METTL16: variants seen among roughly 807,000 people sequenced by gnomAD.
The protein encoded by METTL16 is methyltransferase 16, RNA N6-adenosine.
Under a neutral mutation model 57.9 loss-of-function variants are expected in METTL16, and 19 were observed. The observed-to-expected ratio is 0.33, with a 90% CI of 0.23 to 0.48. The LOEUF (loss-of-function observed/expected upper bound fraction) is 0.48. Ranked by LOEUF, METTL16 falls within the 20% of genes least tolerant of loss-of-function variation. The pLI is 0.99. For missense variants in METTL16, 434 were observed against 691.5 expected, an observed-to-expected ratio of 0.63 and a Z score of 4.18; for synonymous variants, 246 against 255.6, an observed-to-expected ratio of 0.96 and a Z score of 0.36.
At chr17:2,440,254 CTT>C (rs918963469) in intron 7 of METTL16, among the ~76,000 whole-genome samples, 2 of 146,192 alleles carry the variant, frequency 1.4e-5, no homozygotes. Context: ...AAGACACCAT[CTT>C]TTTTTTTTTT....
At position 2,437,795 on chromosome 17, in the gene METTL16, C is replaced by G. The variant is rs191775213; in HGVS notation, c.888+314G>C. 4.6e-5 allele frequency among the ~76,000 whole-genome samples: 7 copies of G among 152,286 alleles called. No homozygotes were observed. The East Asian group carries it at 1.3e-3, about 29-fold the overall frequency. On this transcript the variant is annotated intron_variant, in intron 8 of 9. Transcript: ENST00000263092. ...AAACTCCTGGCCTCAAGTTATCCGC[C>G]CAGCTCGGCTTCCCAAAGTGCTGGG...
At position 2,510,929 on chromosome 17, in the gene METTL16, T is replaced by C. The variant is rs973189493; in HGVS notation, c.-1+830A>G. 3.3e-5 allele frequency among the ~76,000 whole-genome samples: 5 copies of C among 152,208 alleles called. No homozygotes were observed. The East Asian group carries it at 9.6e-4, about 29-fold the overall frequency. ...TACCCATCTGGCATTCCATATATTT[T>C]ACTTACTTTAAAAAATCTCCCGTCA... On this transcript the variant is annotated intron_variant, in intron 1 of 9. Coordinates refer to ENST00000263092, the MANE Select transcript of METTL16 (RefSeq NM_024086.4).
chr17:2,441,502 A>G lies in METTL16; in HGVS notation c.786T>C (p.Leu262=). 1 of 1,598,004 alleles carries G rather than the reference A, an allele frequency of 6.3e-7. No homozygotes were observed. The highest frequency in any genetic ancestry group is 1.7e-5 in the Admixed American group (1 of 58,054). Reference sequence around the variant, plus strand: ...GAGGAAGCCTCACCCCTTGTATGCGAAGCTCCTCCTTCAGAGGCGCCAGGC... The same window carrying G: ...GAGGAAGCCTCACCCCTTGTATGCGGAGCTCCTCCTTCAGAGGCGCCAGGC... ...KCSLAPLKEE[L]RIQGVPKVTY... Residue 262 remains leucine, a synonymous_variant, in exon 7 of 10, where the codon CTT becomes CTC. Coordinates refer to ENST00000263092, the MANE Select transcript of METTL16 (RefSeq NM_024086.4).
intron 2 of METTL16, among the ~76,000 whole-genome samples, chr17:2,489,515 C>A (rs564568295): frequency 1.3e-5 from 2 of 151,838 alleles, no homozygotes; most frequent in Non-Finnish European, 2.9e-5. Context: ...ATTAGCCGAG[C>A]GTGGTGGCAG....
chr17:2,471,257 C>T (rs894490248), intron 4 of METTL16, among the ~76,000 whole-genome samples: 1 of 152,146 alleles, frequency 6.6e-6, no homozygotes, highest in Non-Finnish European at 1.5e-5. Context: ...CTGCAACCTC[C>T]GCCTCCCAGG....
At chr17:2,508,123 T>TA (rs66655664) in intron 1 of METTL16, among the ~76,000 whole-genome samples, 23 of 144,354 alleles carry the variant, frequency 1.6e-4, no homozygotes, top group South Asian at 4.3e-4. Flanking sequence ...GAATGATCAA[T>TA]AAAAAAAAAA....
intron 6 of METTL16, among the ~76,000 whole-genome samples, chr17:2,459,105 C>T (rs1597454265): frequency 6.6e-6 from 1 of 152,072 alleles, no homozygotes; most frequent in African/African-American, 2.4e-5. Context: ...TGTGCCCGGA[C>T]TGGGTGAGTC....
intron 6 of METTL16, among the ~76,000 whole-genome samples, chr17:2,448,802 T>TAAAAAAAAAAAAAA (rs71150866): frequency 1.1e-4 from 5 of 43,618 alleles, no homozygotes; most frequent in Non-Finnish European, 2.0e-4. Context: ...AAATAAAATT[T>TAAAAAAAAAAAAAA]AAAAAAAAAA....
At chr17:2,460,549 C>A (rs974810475) in intron 6 of METTL16, among the ~76,000 whole-genome samples, 8 of 152,170 alleles carry the variant, frequency 5.3e-5, no homozygotes, top group African/African-American at 1.9e-4. Flanking sequence ...AGTAGAGCCA[C>A]CTACAGTTCC....
At chr17:2,501,329 T>C (rs2067485422) in intron 2 of METTL16, among the ~76,000 whole-genome samples, 1 of 151,996 alleles carries the variant, frequency 6.6e-6, no homozygotes, top group Non-Finnish European at 1.5e-5. Context: ...CTGGGGAGGC[T>C]GGGGCAGGAA....
chr17:2,480,959 T>C (rs945983539), intron 2 of METTL16, among the ~76,000 whole-genome samples: 11 of 152,128 alleles, frequency 7.2e-5, no homozygotes, highest in African/African-American at 2.7e-4. Context: ...TCCCAACACT[T>C]TGGGAGGCCA....
At position 2,420,458 on chromosome 17, in the gene METTL16, C is replaced by T. The variant is rs770570468; in HGVS notation, c.1201G>A (p.Asp401Asn). ...TTCTCTTCCAAGGCCTGAATGACGT[C>T]CTCAGGAGCTCGGGGAACTTCTCTC... is the stretch of plus-strand genomic sequence containing the variant. ...QLREVPRAPE[D>N]VIQALEEKKP... Residue 401 changes from aspartate (D) to asparagine (N), a missense_variant, in exon 10 of 10, where the codon GAC becomes AAC. Physicochemically the swap from Asp to Asn is conservative, Grantham distance 23 (BLOSUM62 1). This residue lies in a region of METTL16 where 168 missense variants were observed against 149.6 expected (regional missense o/e 1.12). Coordinates refer to ENST00000263092, the MANE Select transcript of METTL16 (RefSeq NM_024086.4). The surrounding 1 kb of genome is among the most constrained non-coding windows in gnomAD (Gnocchi z 5.4). The T allele has an allele frequency of 3.0e-5, 49 of 1,614,022 alleles. No homozygotes were observed. Among genetic ancestry groups the T allele is most frequent in the Non-Finnish European group, 3.8e-5 (45 of 1,180,034 alleles).
At chr17:2,455,823 A>T (rs1487837391) in intron 6 of METTL16, among the ~76,000 whole-genome samples, 1 of 152,042 alleles carries the variant, frequency 6.6e-6, no homozygotes, top group East Asian at 1.9e-4. Context: ...CTCTACAAAA[A>T]AATGCAAAAA....
At chr17:2,448,136 C>T (rs76633675) in intron 6 of METTL16, among the ~76,000 whole-genome samples, 1 of 138,466 alleles carries the variant, frequency 7.2e-6, no homozygotes, top group African/African-American at 2.6e-5. Flanking sequence ...GTCAGCCCCC[C>T]GCCCGGCCGG....
chr17:2,440,755 G>A (rs2066944055), intron 7 of METTL16, among the ~76,000 whole-genome samples: 1 of 151,936 alleles, frequency 6.6e-6, no homozygotes, highest in Non-Finnish European at 1.5e-5. Flanking sequence ...AGGACTGCTT[G>A]AGCCCAGGAA....
chr17:2,471,971 G>A (rs6502263), intron 4 of METTL16, among the ~76,000 whole-genome samples: 2,118 of 151,650 alleles, frequency 0.014, 58 homozygotes, highest in African/African-American at 0.049. Context: ...AAAATTAGCT[G>A]GGCGTGGTGG....
In METTL16 at chr17:2,466,199, A is replaced by C. The variant is rs34020689; in HGVS notation, c.585+1562T>G. ...CAAGAGTAAGACTCTGTCACAAAAA[A>C]AAAAAAAAAAAAAGCCACTTAACAG... On this transcript the variant is annotated intron_variant, in intron 5 of 9. Coordinates refer to ENST00000263092, the MANE Select transcript of METTL16 (RefSeq NM_024086.4). Among the ~76,000 whole-genome samples, 113 of 113,418 alleles carry C rather than the reference A, an allele frequency of 1.0e-3. 1 individual carries two copies. Among genetic ancestry groups the C allele is most frequent in the African/African-American group, 2.3e-3 (63 of 27,332 alleles). The allele number at this position is 113,418 out of a possible 152,430, so 74.4% of individuals were successfully genotyped here. A position where few individuals can be genotyped will look rare whatever the true frequency, so the allele number is the denominator to read the frequency against.
At chr17:2,444,098 T>G (rs554128439) in intron 6 of METTL16, among the ~76,000 whole-genome samples, 4 of 152,268 alleles carry the variant, frequency 2.6e-5, no homozygotes, top group African/African-American at 9.6e-5. Flanking sequence ...AATAAATACA[T>G]ACAGCCATGA....
chr17:2,468,252 T>C (rs1344980132), intron 4 of METTL16, among the ~76,000 whole-genome samples: 2 of 152,242 alleles, frequency 1.3e-5, no homozygotes, highest in Non-Finnish European at 1.5e-5. Flanking sequence ...AAGGTGTGAC[T>C]GTATGTCCTC....
Sources: gnomAD v4.1 joint callset for allele counts (sites outside exome capture counted in the v4.1 genomes callset) on GRCh38, gnomAD v4.1.1 for gene constraint, gnomAD v4.1.1 regional missense constraint, Gnocchi (gnomAD v3.1) non-coding constraint, MANE v1.5 for transcripts, NCBI Gene and HGNC (gene_info 2026-07-23, HGNC 2026-07-21) for gene names.